Variants in PRKN observed in about 807,000 individuals in gnomAD.
PRKN encodes the protein parkin RBR E3 ubiquitin protein ligase, also known as E3 ubiquitin-protein ligase parkin.
In PRKN, 56 loss-of-function variants were observed where a neutral mutation model predicts 59.5. The observed-to-expected ratio is 0.94, with a 90% CI of 0.76 to 1.18. PRKN has a LOEUF of 1.18. PRKN is among the 50% of genes most tolerant of loss of function. PRKN has a pLI of 0.00. For missense variants in PRKN, 657 were observed against 596.4 expected (o/e 1.10, Z -1.06); for synonymous variants, 250 against 222.1 (o/e 1.13, Z -1.12).
At chr6:161,863,794 C>T (rs915323690) in intron 6 of PRKN, among the ~76,000 whole-genome samples, 2 of 152,004 alleles carry the variant, frequency 1.3e-5, no homozygotes, top group African/African-American at 2.4e-5. Flanking sequence ...GGTTCCAGAC[C>T]ACCATAATAA....
At chr6:161,930,000 T>C (rs1187212603) in intron 6 of PRKN, among the ~76,000 whole-genome samples, 1 of 152,210 alleles carries the variant, frequency 6.6e-6, no homozygotes, top group Non-Finnish European at 1.5e-5. Context: ...GGAAAATTGT[T>C]GGCAATGCCA....
intron 7 of PRKN, among the ~76,000 whole-genome samples, chr6:161,773,490 T>C (rs570434508): frequency 6.6e-6 from 1 of 152,202 alleles, no homozygotes; most frequent in South Asian, 2.1e-4. Flanking sequence ...ATCCATCCAT[T>C]CATCTATCCA....
intron 6 of PRKN, among the ~76,000 whole-genome samples, chr6:161,897,824 G>A (rs964580393): frequency 4.3e-5 from 6 of 139,566 alleles, no homozygotes; most frequent in East Asian, 4.2e-4. Context: ...AAAAAGTTCC[G>A]GGCGTAGTGG....
intron 2 of PRKN, among the ~76,000 whole-genome samples, chr6:162,389,344 T>A (rs1391634312): frequency 6.6e-6 from 1 of 152,098 alleles, no homozygotes; most frequent in Non-Finnish European, 1.5e-5. Flanking sequence ...CCCTAGGTAA[T>A]GATTGCCCAT....
At chr6:161,990,552 G>T (rs966340821) in intron 5 of PRKN, among the ~76,000 whole-genome samples, 1 of 151,980 alleles carries the variant, frequency 6.6e-6, no homozygotes, top group African/African-American at 2.4e-5. Flanking sequence ...CAAAGAGAAA[G>T]ATATTTTTAA....
At chr6:161,953,331 G>A (rs1780055910) in intron 6 of PRKN, among the ~76,000 whole-genome samples, 1 of 152,080 alleles carries the variant, frequency 6.6e-6, no homozygotes, top group Non-Finnish European at 1.5e-5. Context: ...GGCTGATTTT[G>A]AACTCCTGAC....
rs1039718639 is a variant in PRKN, at chr6:161,582,129, G to A, written c.872-12713C>T. Among the ~76,000 whole-genome samples the A allele has an allele frequency of 6.6e-6, 1 of 152,184 alleles. No individual in the cohort carries two copies. Reference sequence around the variant, plus strand: ...CTACTGGTTTTTACCAAAGTGTAAAGTGCATTTTCTAAATGGCTCTCTGGC... The same window carrying A: ...CTACTGGTTTTTACCAAAGTGTAAAATGCATTTTCTAAATGGCTCTCTGGC... On this transcript the variant is annotated intron_variant, in intron 7 of 11. Transcript: ENST00000366898. The surrounding 1 kb of genome is among the most constrained non-coding windows in gnomAD (Gnocchi z 4.4).
At chr6:161,896,471 C>T (rs1777630738) in intron 6 of PRKN, among the ~76,000 whole-genome samples, 1 of 152,202 alleles carries the variant, frequency 6.6e-6, no homozygotes, top group Non-Finnish European at 1.5e-5. Context: ...AGATGCCTGA[C>T]ATGTGAGCCC....
chr6:161,706,607 C>A lies in PRKN; in HGVS notation c.871+79165G>T, dbSNP rs148215743. ...AGTATTCCAGGTGACTTTTTTTTTA[C>A]AGTCTCTCTCTGTCACGCAGGCTGG... On this transcript the variant is annotated intron_variant, in intron 7 of 11. Coordinates refer to ENST00000366898, the MANE Select transcript of PRKN (RefSeq NM_004562.3). 6.4e-3 allele frequency among the ~76,000 whole-genome samples: 965 copies of A among 149,876 alleles called. 7 individuals are homozygous for A. The highest frequency in any genetic ancestry group is 7.1e-3 in the Non-Finnish European group (480 of 67,362).
intron 6 of PRKN, among the ~76,000 whole-genome samples, chr6:161,841,588 G>T (rs991903139): frequency 6.6e-6 from 1 of 152,042 alleles, no homozygotes; most frequent in African/African-American, 2.4e-5. Context: ...GACCTCAGGT[G>T]ATCTGCCCAC....
At chr6:162,603,126 C>T (rs1677175409) in intron 1 of PRKN, among the ~76,000 whole-genome samples, 1 of 152,098 alleles carries the variant, frequency 6.6e-6, no homozygotes, top group African/African-American at 2.4e-5. Flanking sequence ...GTGTATAACT[C>T]AGGGAAGAGT....
At chr6:161,541,974 C>G (rs796644256) in intron 9 of PRKN, among the ~76,000 whole-genome samples, 1 of 152,098 alleles carries the variant, frequency 6.6e-6, no homozygotes, top group Non-Finnish European at 1.5e-5. Context: ...TGTATTAGAA[C>G]GTAAGTCCAC....
At chr6:162,720,265 T>C (rs781672765) in intron 1 of PRKN, among the ~76,000 whole-genome samples, 14 of 152,238 alleles carry the variant, frequency 9.2e-5, no homozygotes, top group South Asian at 8.3e-4. Context: ...AGTAGAGATG[T>C]GCAAAATGGG....
At position 161,529,226 on chromosome 6, in the gene PRKN, T is replaced by C. The variant is rs1361235196; in HGVS notation, c.1083+19628A>G. On this transcript the variant is annotated intron_variant, in intron 9 of 11. Coordinates refer to ENST00000366898, the MANE Select transcript of PRKN (RefSeq NM_004562.3). This position sits in a 1 kb window ranked among gnomAD's most constrained non-coding sequence, Gnocchi z 4.4. ...TTCGAATATCTGATTTGATGAGTGA[T>C]TGCTGGAAGTGGATGCCTTAGGGAA... Among the ~76,000 whole-genome samples, 1 of 152,158 alleles carries C rather than the reference T, an allele frequency of 6.6e-6. No individual in the cohort carries two copies. The highest frequency in any genetic ancestry group is 1.9e-4 in the East Asian group (1 of 5,192).
At chr6:162,499,599 G>A (rs73035887) in intron 1 of PRKN, among the ~76,000 whole-genome samples, 99 of 152,232 alleles carry the variant, frequency 6.5e-4, no homozygotes, top group Middle Eastern at 6.8e-3. Flanking sequence ...CAGGAGACCC[G>A]GACACTGTCT....
At chr6:162,579,194 A>C (rs934214472) in intron 1 of PRKN, among the ~76,000 whole-genome samples, 1 of 152,166 alleles carries the variant, frequency 6.6e-6, no homozygotes, top group Non-Finnish European at 1.5e-5. Flanking sequence ...AGTCCATTGA[A>C]TCTATCTGTC....
chr6:162,665,358 C>G (rs953622882), intron 1 of PRKN, among the ~76,000 whole-genome samples: 2 of 151,884 alleles, frequency 1.3e-5, no homozygotes, highest in African/African-American at 4.8e-5. Context: ...AATCAATGTG[C>G]AAAAATCACA....
rs555922993 is a variant in PRKN, at chr6:162,124,830, A to G, written c.535-70656T>C. Among the ~76,000 whole-genome samples, 12 of 152,294 alleles carry G rather than the reference A, an allele frequency of 7.9e-5. No homozygotes were observed. The South Asian group carries it at 2.5e-3, about 32-fold the overall frequency. On this transcript the variant is annotated intron_variant, in intron 4 of 11. Coordinates refer to ENST00000366898, the MANE Select transcript of PRKN (RefSeq NM_004562.3). ...ACGCCAAGAAGTAACCTTCGGGACCATCCATGTTTCGGGTGCTGAGGAGCA... is the reference window on the plus strand; with the variant it reads ...ACGCCAAGAAGTAACCTTCGGGACCGTCCATGTTTCGGGTGCTGAGGAGCA...
intron 1 of PRKN, among the ~76,000 whole-genome samples, chr6:162,593,075 C>T (rs564521751): frequency 4.6e-5 from 7 of 152,188 alleles, no homozygotes; most frequent in African/African-American, 1.7e-4. Context: ...ACGATGTCAG[C>T]TAAAGCATTA....
Sources: allele counts gnomAD v4.1 joint callset (sites outside exome capture counted in the v4.1 genomes callset), GRCh38; gene constraint gnomAD v4.1.1; non-coding constraint Gnocchi (gnomAD v3.1); transcripts MANE v1.5; gene names NCBI Gene and HGNC (gene_info 2026-07-23, HGNC 2026-07-21).